The following EDARADD variants were observed in gnomAD, a reference collection of about 807,000 sequenced individuals.
EDARADD encodes ectodysplasin-A receptor-associated adapter protein.
EDARADD carries 20 observed loss-of-function variants against 25.6 expected under a neutral mutation model. That is an observed-to-expected ratio of 0.78 (90% CI 0.55 to 1.14). The LOEUF is 1.14. Ranked by LOEUF, EDARADD falls within the 50% of genes most tolerant of loss-of-function variation. The pLI is 0.00. For missense variants in EDARADD, 225 were observed against 270.1 expected, an observed-to-expected ratio of 0.83 and a Z score of 1.17; for synonymous variants, 86 against 94.4, an observed-to-expected ratio of 0.91 and a Z score of 0.52.
At chr1:236,409,186 T>C in intron 1 of EDARADD, 30 bp from the exon 2 acceptor site, 1 of 1,582,226 alleles carries the variant, frequency 6.3e-7, no homozygotes, top group Non-Finnish European at 8.7e-7. Context: ...GCAAACCCGC[T>C]CTATTTGTTT....
chr1:236,479,182 G>A (rs1659595870), intron 5 of EDARADD, among the ~76,000 whole-genome samples: 1 of 151,680 alleles, frequency 6.6e-6, no homozygotes. Context: ...AAAGAAAAAA[G>A]AAAAAGTACC....
At chr1:236,429,571 GAC>G (rs1658041898) in intron 4 of EDARADD, among the ~76,000 whole-genome samples, 1 of 148,566 alleles carries the variant, frequency 6.7e-6, no homozygotes, top group South Asian at 2.1e-4. Flanking sequence ...TTTTAGTAGA[GAC>G]GGGGTTTTGC....
upstream of EDARADD, among the ~76,000 whole-genome samples, chr1:236,389,735 G>A (rs551223161): frequency 1.3e-4 from 20 of 152,264 alleles, no homozygotes; most frequent in African/African-American, 4.8e-4. Context: ...AGGCATGGTG[G>A]CCCACACATG....
In EDARADD at chr1:236,464,253, A is replaced by AT. The variant is rs58086878; in HGVS notation, c.220-3965dup. Among the ~76,000 whole-genome samples, 159 of 141,810 alleles carry AT rather than the reference A, an allele frequency of 1.1e-3. 1 individual carries two copies. In the East Asian group the frequency reaches 0.026, roughly 23 times the overall value. The allele number at this position is 141,810 out of a possible 152,430, so 93.0% of individuals were successfully genotyped here. The stretch of plus-strand genomic sequence containing the variant: ...AGCCCATCACCTTTCTGCAAGTATT[A>AT]TTTTTTTTTTTTTGGAGATGGAGTC... On this transcript the variant is annotated intron_variant, in intron 4 of 5. Transcript: ENST00000334232.
chr1:236,363,185 T>C (rs1181304693), intron 3 of EDARADD, among the ~76,000 whole-genome samples: 2 of 149,718 alleles, frequency 1.3e-5, no homozygotes, highest in African/African-American at 2.5e-5. Flanking sequence ...CCAGATCTAT[T>C]TCTGACATCT....
At chr1:236,396,891 G>T (rs1667524366) in intron 1 of EDARADD, among the ~76,000 whole-genome samples, 1 of 147,434 alleles carries the variant, frequency 6.8e-6, no homozygotes, top group South Asian at 2.1e-4. Context: ...TCTGAGAACT[G>T]AATTGACAAG....
chr1:236,457,093 T>G (rs1224020274), intron 4 of EDARADD, among the ~76,000 whole-genome samples: 1 of 152,122 alleles, frequency 6.6e-6, no homozygotes, highest in African/African-American at 2.4e-5. Flanking sequence ...TAGTGAAGTC[T>G]CCCAAAAATG....
chr1:236,466,891 A>G (rs1298928203), intron 4 of EDARADD, among the ~76,000 whole-genome samples: 2 of 152,070 alleles, frequency 1.3e-5, no homozygotes, highest in Non-Finnish European at 2.9e-5. Flanking sequence ...ACATGGTGAA[A>G]CCCTGTCTCT....
chr1:236,447,165 C>T (rs867245718), intron 4 of EDARADD, among the ~76,000 whole-genome samples: 84 of 122,920 alleles, frequency 6.8e-4, no homozygotes, highest in African/African-American at 2.8e-3. Flanking sequence ...TCCCTCCCTC[C>T]CTCCCTCTTT....
At chr1:236,403,667 C>T (rs1041373720) in intron 1 of EDARADD, among the ~76,000 whole-genome samples, 3 of 152,096 alleles carry the variant, frequency 2.0e-5, no homozygotes, top group Non-Finnish European at 2.9e-5. Context: ...TCACCACTCA[C>T]GGACTTTTAA....
chr1:236,369,785 C>T (rs1036503077), intron 3 of EDARADD, among the ~76,000 whole-genome samples: 12 of 151,900 alleles, frequency 7.9e-5, no homozygotes, highest in Non-Finnish European at 1.2e-4. Flanking sequence ...TTCGGTGAGC[C>T]GAGATTGCAC....
At position 236,362,848 on chromosome 1, in the gene EDARADD, A is replaced by G. The variant is rs75434127; in HGVS notation, c.-6+12009A>G. On this transcript the variant is annotated intron_variant, in intron 3 of 7. Transcript: ENST00000439430. ...TGCCCTTACCAAAAACCTATTGTCGATTTATGTGTGGATCTACTTCTTAAA... is the reference window on the plus strand; with the variant it reads ...TGCCCTTACCAAAAACCTATTGTCGGTTTATGTGTGGATCTACTTCTTAAA... Among the ~76,000 whole-genome samples, 229 of 150,948 alleles carry G rather than the reference A, an allele frequency of 1.5e-3. 3 individuals carry two copies. In the East Asian group the frequency reaches 0.042, roughly 28 times the overall value.
chr1:236,415,253 T>C (rs1054323493), intron 3 of EDARADD, among the ~76,000 whole-genome samples: 3 of 152,134 alleles, frequency 2.0e-5, no homozygotes, highest in African/African-American at 7.2e-5. Flanking sequence ...GGAGTGGATT[T>C]TGCCCAAACC....
At chr1:236,465,497 A>G (rs1659162953) in intron 4 of EDARADD, among the ~76,000 whole-genome samples, 1 of 152,162 alleles carries the variant, frequency 6.6e-6, no homozygotes, top group Non-Finnish European at 1.5e-5. Context: ...CCCAGATTTC[A>G]GCAGGGTCCA....
intron 4 of EDARADD, among the ~76,000 whole-genome samples, chr1:236,467,180 A>G (rs552884427): frequency 2.0e-5 from 3 of 152,088 alleles, no homozygotes; most frequent in Non-Finnish European, 4.4e-5. Flanking sequence ...GAGCTGAGCT[A>G]ATCCCACAGC....
chr1:236,416,299 G>C (rs776712694), intron 3 of EDARADD, among the ~76,000 whole-genome samples: 2 of 152,154 alleles, frequency 1.3e-5, no homozygotes, highest in Non-Finnish European at 1.5e-5. Context: ...AAATCCAGCC[G>C]AAGAAGTGTG....
intron 3 of EDARADD, among the ~76,000 whole-genome samples, chr1:236,372,432 G>A (rs114319072): frequency 1.3e-5 from 2 of 152,106 alleles, no homozygotes; most frequent in Admixed American, 6.6e-5. Flanking sequence ...CTCAGTCATG[G>A]TGTATAATTC....
chr1:236,443,436 AGAG>A (rs1658453218), intron 4 of EDARADD, among the ~76,000 whole-genome samples: 1 of 152,208 alleles, frequency 6.6e-6, no homozygotes, highest in Non-Finnish European at 1.5e-5. Context: ...ATGATTCATG[AGAG>A]GAGATCAAAA....
chr1:236,399,005 A>G (rs78106526), intron 1 of EDARADD, among the ~76,000 whole-genome samples: 8,984 of 152,150 alleles, frequency 0.059, 867 homozygotes, highest in African/African-American at 0.2. Flanking sequence ...CAGGCTCTTT[A>G]AAGAGTTGGG....
Sources: gnomAD v4.1 joint callset for allele counts (sites outside exome capture counted in the v4.1 genomes callset) on GRCh38, gnomAD v4.1.1 for gene constraint, MANE v1.5 for transcripts, NCBI Gene and HGNC (gene_info 2026-07-23, HGNC 2026-07-21) for gene names.